Variants in HSD17B12 observed in about 807,000 individuals in gnomAD.
HSD17B12 encodes hydroxysteroid 17-beta dehydrogenase 12.
In HSD17B12, 32 loss-of-function variants were observed where a neutral mutation model predicts 39.3. That is an observed-to-expected ratio of 0.81 (90% confidence interval 0.61 to 1.09). The LOEUF (loss-of-function observed/expected upper bound fraction) is 1.09. HSD17B12 is among the 50% of genes least tolerant of loss of function. The probability of loss-of-function intolerance (pLI) is 0.00; values close to 1 mark genes in which losing one functional copy is unlikely to be tolerated. For synonymous variants in HSD17B12, 150 were observed against 146.7 expected (o/e 1.02, Z -0.16); for missense variants, 342 against 382.9 (o/e 0.89, Z 0.89).
chr11:43,579,255 C>T, the HSD17B12 span: 1 of 152,310 alleles, frequency 6.6e-6, no homozygotes. Context: ...CTCGCTCTCC[C>T]GCTAAGCGAC....
At chr11:43,579,867 G>A in the HSD17B12 span, among the ~76,000 whole-genome samples, 311 of 152,146 alleles carry the variant, frequency 2.0e-3, 7 homozygotes, top group East Asian at 0.058. Flanking sequence ...GCGAGGGTGG[G>A]AGTGTGTGTG....
rs1951306618 is a variant in HSD17B12, at chr11:43,831,179, G to C, written c.536+169G>C. 2.1e-6 allele frequency: 1 copy of C among 483,812 alleles called. No individual in the cohort carries two copies. Among genetic ancestry groups the C allele is most frequent in the Non-Finnish European group, 3.6e-6 (1 of 274,198 alleles). 30.0% of individuals were successfully genotyped at this position (483,812 alleles called of 1,614,324 possible). On this transcript the variant is annotated intron_variant, in intron 7 of 10. Coordinates refer to ENST00000278353, the MANE Select transcript of HSD17B12 (RefSeq NM_016142.3). This position sits in a 1 kb window ranked among gnomAD's most constrained non-coding sequence, Gnocchi z 4.1. ...TCACAGTAGAGCATGAGTCATCGGT[G>C]GTGGAGGCCTTTTCCACTCGATTCC...
chr11:43,647,504 CT>C, the HSD17B12 span, among the ~76,000 whole-genome samples: 1 of 132,710 alleles, frequency 7.5e-6, no homozygotes, highest in African/African-American at 2.9e-5. Flanking sequence ...TGTCAAACTT[CT>C]TGCCCCAAGT....
At chr11:43,694,335 G>C (rs933922543) in intron 1 of HSD17B12, among the ~76,000 whole-genome samples, 4 of 152,070 alleles carry the variant, frequency 2.6e-5, no homozygotes, top group African/African-American at 9.7e-5. Context: ...GCTAAATAAG[G>C]GTGATTTTAA....
chr11:43,577,319 G>C, the HSD17B12 span, among the ~76,000 whole-genome samples: 4 of 152,180 alleles, frequency 2.6e-5, no homozygotes, highest in Non-Finnish European at 5.9e-5. Context: ...TCGTGACTTC[G>C]GTGAGAGCTT....
chr11:43,806,474 A>G (rs1384820362), intron 4 of HSD17B12: 4 of 152,198 alleles, frequency 2.6e-5, no homozygotes, highest in East Asian at 1.9e-4. Flanking sequence ...AAGAAAATAT[A>G]GTATAGGTAC....
intron 3 of HSD17B12, among the ~76,000 whole-genome samples, chr11:43,776,119 A>C (rs369549438): frequency 1.7e-3 from 252 of 152,212 alleles, no homozygotes; most frequent in African/African-American, 5.8e-3. Context: ...GGGTATATAC[A>C]CAGTAATGGG....
the HSD17B12 span, among the ~76,000 whole-genome samples, chr11:43,638,368 G>A: frequency 6.6e-6 from 1 of 152,152 alleles, no homozygotes; most frequent in Non-Finnish European, 1.5e-5. Flanking sequence ...TTCAGTTTTA[G>A]AGTGATGTCC....
chr11:43,856,516 T>G lies in HSD17B12; in HGVS notation c.*1268T>G, dbSNP rs1379364917. On this transcript the variant is annotated 3_prime_UTR_variant, in exon 11 of 11. Coordinates refer to ENST00000278353, the MANE Select transcript of HSD17B12 (RefSeq NM_016142.3). Reference sequence around the variant, plus strand: ...TAGCCATCTGCTATCAGCATCATTATGTAAAAGAAAATATATTTTAGCCCC... The same window carrying G: ...TAGCCATCTGCTATCAGCATCATTAGGTAAAAGAAAATATATTTTAGCCCC... The G allele has an allele frequency of 6.6e-6, 1 of 152,224 alleles. No individual in the cohort carries two copies. Among genetic ancestry groups the G allele is most frequent in the African/African-American group, 2.4e-5 (1 of 41,468 alleles). 9.4% of individuals were successfully genotyped at this position (152,224 alleles called of 1,614,324 possible). A position where few individuals can be genotyped will look rare whatever the true frequency, so the allele number is the denominator to read the frequency against.
intron 1 of HSD17B12, among the ~76,000 whole-genome samples, chr11:43,749,711 T>G (rs1224047037): frequency 2.6e-5 from 4 of 151,848 alleles, no homozygotes; most frequent in East Asian, 1.9e-4. Context: ...TTATGAGAGA[T>G]ATGGCTAGGG....
chr11:43,708,673 A>G (rs1950037516), intron 1 of HSD17B12, among the ~76,000 whole-genome samples: 2 of 152,234 alleles, frequency 1.3e-5, no homozygotes, highest in Admixed American at 1.3e-4. Flanking sequence ...ATTTGTATGT[A>G]GGTTACTCTG....
chr11:43,698,311 T>C (rs1949931245), intron 1 of HSD17B12, among the ~76,000 whole-genome samples: 1 of 152,316 alleles, frequency 6.6e-6, no homozygotes, highest in Middle Eastern at 3.4e-3. Flanking sequence ...AGTCTTACTG[T>C]AGATTCGCAC....
intron 1 of HSD17B12, among the ~76,000 whole-genome samples, chr11:43,699,237 A>G (rs1045214779): frequency 6.6e-6 from 1 of 152,168 alleles, no homozygotes; most frequent in African/African-American, 2.4e-5. Context: ...AGTTCCTGTC[A>G]TTTCTCACTC....
At chr11:43,767,343 T>C (rs995648871) in intron 3 of HSD17B12, among the ~76,000 whole-genome samples, 5 of 152,194 alleles carry the variant, frequency 3.3e-5, no homozygotes, top group Admixed American at 6.5e-5. Context: ...GAATTTGAGG[T>C]ACAACCTTCA....
chr11:43,718,553 C>A, intron 1 of HSD17B12: 1 of 418,388 alleles, frequency 2.4e-6, no homozygotes. Context: ...TAGATGCTCT[C>A]ATTTAAAAAG....
chr11:43,702,647 T>C (rs1378467136), intron 1 of HSD17B12, among the ~76,000 whole-genome samples: 1 of 152,230 alleles, frequency 6.6e-6, no homozygotes, highest in Non-Finnish European at 1.5e-5. Context: ...TGTTGAACCA[T>C]CCTTGCATCC....
At chr11:43,566,675 G>A in the HSD17B12 span, among the ~76,000 whole-genome samples, 79 of 152,066 alleles carry the variant, frequency 5.2e-4, no homozygotes, top group African/African-American at 1.7e-3. Flanking sequence ...GACTACAGGC[G>A]CACACCGCCA....
At position 43,775,366 on chromosome 11, in the gene HSD17B12, A is replaced by C. The variant is rs190455535; in HGVS notation, c.283+21245A>C. Among the ~76,000 whole-genome samples, 6 of 152,328 alleles carry C rather than the reference A, an allele frequency of 3.9e-5. No homozygotes were observed. In the East Asian group the frequency reaches 1.2e-3, roughly 29 times the overall value. On this transcript the variant is annotated intron_variant, in intron 3 of 10. Coordinates refer to ENST00000278353, the MANE Select transcript of HSD17B12 (RefSeq NM_016142.3). Reference sequence around the variant, plus strand: ...AAGTAATACATACTCCTAGGATCACATTGCTGATGAGCGACAGATGCAGGT... The same window carrying C: ...AAGTAATACATACTCCTAGGATCACCTTGCTGATGAGCGACAGATGCAGGT...
At chr11:43,746,704 A>G (rs10742688) in intron 1 of HSD17B12, among the ~76,000 whole-genome samples, 99,870 of 152,086 alleles carry the variant, frequency 0.66, 33,131 homozygotes, top group East Asian at 0.75. Context: ...ATTATCGAGC[A>G]CTATATGTTA....
Sources: gnomAD v4.1 joint callset for allele counts (sites outside exome capture counted in the v4.1 genomes callset) on GRCh38, gnomAD v4.1.1 for gene constraint, Gnocchi (gnomAD v3.1) non-coding constraint, MANE v1.5 for transcripts, NCBI Gene and HGNC (gene_info 2026-07-23, HGNC 2026-07-21) for gene names.